Variants in AGBL1 observed in about 807,000 individuals in gnomAD.
The protein encoded by AGBL1 is cytosolic carboxypeptidase 4.
Under a neutral mutation model 118.9 loss-of-function variants are expected in AGBL1, and 130 were observed. The observed-to-expected ratio is 1.09, with a 90% CI of 0.95 to 1.26. The LOEUF (loss-of-function observed/expected upper bound fraction) is 1.26, where lower values mean the gene tolerates loss of function less well. Among genes scored for constraint, AGBL1 ranks in the 50% most tolerant of loss-of-function variants. AGBL1 has a pLI of 0.00. For synonymous variants in AGBL1, 555 were observed against 478.9 expected, an observed-to-expected ratio of 1.16 and a Z score of -2.08; for missense variants, 1,584 against 1,298.1, an observed-to-expected ratio of 1.22 and a Z score of -3.38.
rs150877342 is a variant in AGBL1, at chr15:86,702,941, C to T, written c.3158+28505C>T. ...GTGTAGATGGAAAAGAAATATAATT[C>T]GAAGACTGACCCCTGGGACACTTCA... On this transcript the variant is annotated intron_variant, in intron 22 of 22. Coordinates refer to ENST00000614907, the MANE Select transcript of AGBL1 (RefSeq NM_001386094.1). 1.8e-3 allele frequency among the ~76,000 whole-genome samples: 271 copies of T among 152,036 alleles called. 4 individuals are homozygous for T. The East Asian group carries it at 0.022, about 12-fold the overall frequency.
intron 24 of AGBL1, among the ~76,000 whole-genome samples, chr15:86,990,427 T>C (rs1456820607): frequency 3.9e-5 from 6 of 152,010 alleles, no homozygotes; most frequent in African/African-American, 1.5e-4. Flanking sequence ...GACAGGAGAA[T>C]TGCTTGAACC....
intron 21 of AGBL1, among the ~76,000 whole-genome samples, chr15:86,588,513 G>A (rs868763106): frequency 6.6e-6 from 1 of 152,182 alleles, no homozygotes; most frequent in Non-Finnish European, 1.5e-5. Context: ...GGGATCTGTG[G>A]GATGTGGCTT....
intron 17 of AGBL1, among the ~76,000 whole-genome samples, chr15:86,322,443 A>G (rs1220279392): frequency 2.0e-5 from 3 of 152,164 alleles, no homozygotes; most frequent in Admixed American, 6.5e-5. Flanking sequence ...GCACTTTGAT[A>G]TTAATATTTA....
At chr15:86,686,035 A>G (rs74025429) in intron 22 of AGBL1, among the ~76,000 whole-genome samples, 6,148 of 152,230 alleles carry the variant, frequency 0.04, 409 homozygotes, top group African/African-American at 0.14. Flanking sequence ...AGGAAGCAAA[A>G]CTAGTTAGCC....
At chr15:86,709,431 A>ATC (rs1265467722) in intron 22 of AGBL1, among the ~76,000 whole-genome samples, 1 of 152,162 alleles carries the variant, frequency 6.6e-6, no homozygotes. Flanking sequence ...CAGCCAAGAG[A>ATC]TCTACTAATC....
chr15:86,286,203 T>C (rs898947934), intron 16 of AGBL1, among the ~76,000 whole-genome samples: 1 of 152,070 alleles, frequency 6.6e-6, no homozygotes, highest in Non-Finnish European at 1.5e-5. Context: ...CTTGCTTATA[T>C]TTATAGGGTA....
intron 22 of AGBL1, among the ~76,000 whole-genome samples, chr15:86,869,312 A>G (rs2079685222): frequency 6.6e-6 from 1 of 152,120 alleles, no homozygotes; most frequent in African/African-American, 2.4e-5. Flanking sequence ...TGAATGCACA[A>G]TGGCACAGCT....
intron 22 of AGBL1, among the ~76,000 whole-genome samples, chr15:86,793,091 C>G (rs1383050573): frequency 2.0e-5 from 3 of 152,106 alleles, no homozygotes; most frequent in African/African-American, 7.2e-5. Context: ...TAGAATTTCC[C>G]ATTCTTTTTA....
intron 21 of AGBL1, among the ~76,000 whole-genome samples, chr15:86,594,297 A>G (rs1372864210): frequency 6.6e-6 from 1 of 152,030 alleles, no homozygotes; most frequent in Non-Finnish European, 1.5e-5. Context: ...TGCTAGAGTC[A>G]TTTTGCAAAT....
At chr15:86,567,918 C>G (rs948336465) in intron 21 of AGBL1, among the ~76,000 whole-genome samples, 1 of 152,068 alleles carries the variant, frequency 6.6e-6, no homozygotes, top group African/African-American at 2.4e-5. Context: ...GAGACTGAGG[C>G]AGGATAGTCA....
intron 22 of AGBL1, among the ~76,000 whole-genome samples, chr15:86,806,773 A>G (rs886829994): frequency 6.6e-6 from 1 of 151,096 alleles, no homozygotes; most frequent in East Asian, 1.9e-4. Flanking sequence ...TTAATTATAT[A>G]CATAATGCAT....
intron 24 of AGBL1, among the ~76,000 whole-genome samples, chr15:87,022,407 G>GAAA (rs1259162984): frequency 3.3e-5 from 5 of 151,858 alleles, no homozygotes; most frequent in Non-Finnish European, 7.4e-5. Context: ...CGAAGACAAA[G>GAAA]AAAAAAGAGT....
intron 21 of AGBL1, among the ~76,000 whole-genome samples, chr15:86,580,593 G>A (rs894084361): frequency 6.6e-6 from 1 of 151,522 alleles, no homozygotes; most frequent in Admixed American, 6.6e-5. Flanking sequence ...CATAATAATT[G>A]TACATATTTA....
chr15:86,890,257 T>C (rs1339098407), intron 22 of AGBL1, among the ~76,000 whole-genome samples: 1 of 152,146 alleles, frequency 6.6e-6, no homozygotes, highest in Non-Finnish European at 1.5e-5. Context: ...TCTTGTAAAA[T>C]TGTTTAAGTT....
intron 17 of AGBL1, among the ~76,000 whole-genome samples, chr15:86,307,890 T>G (rs906557339): frequency 8.5e-5 from 13 of 152,218 alleles, no homozygotes; most frequent in Non-Finnish European, 1.6e-4. Context: ...GACATTTACC[T>G]ATATTTTAGT....
rs188703366 is a variant in AGBL1, at chr15:86,679,130, T to G, written c.3158+4694T>G. 2.3e-3 allele frequency among the ~76,000 whole-genome samples: 354 copies of G among 152,184 alleles called. 2 individuals carry two copies. The highest frequency in any genetic ancestry group is 7.9e-3 in the African/African-American group (328 of 41,562). On this transcript the variant is annotated intron_variant, in intron 22 of 22. Transcript: ENST00000614907. ...CTGCCAAAACCTAACCCACTGGGAT[T>G]TTAACTCAGGTAATATTAAATTATA... is the stretch of plus-strand genomic sequence containing the variant.
chr15:86,104,326 G>A (rs1371351863), intron 1 of AGBL1, among the ~76,000 whole-genome samples: 1 of 152,170 alleles, frequency 6.6e-6, no homozygotes, highest in Non-Finnish European at 1.5e-5. Context: ...CTGTGTCATG[G>A]CCCTGCTGTT....
intron 23 of AGBL1, chr15:86,934,933 T>C (rs959851353): frequency 1.3e-5 from 2 of 152,228 alleles, no homozygotes; most frequent in Non-Finnish European, 2.9e-5. Flanking sequence ...TCTGGATCCA[T>C]TCTCCTCCTG....
intron 21 of AGBL1, among the ~76,000 whole-genome samples, chr15:86,600,734 C>A (rs1477019391): frequency 6.6e-6 from 1 of 152,128 alleles, no homozygotes; most frequent in Non-Finnish European, 1.5e-5. Flanking sequence ...CTTACCCTCA[C>A]CTCCAAAACA....
Sources: gnomAD v4.1 joint callset for allele counts (sites outside exome capture counted in the v4.1 genomes callset) on GRCh38, gnomAD v4.1.1 for gene constraint, MANE v1.5 for transcripts, NCBI Gene and HGNC (gene_info 2026-07-23, HGNC 2026-07-21) for gene names.